The following ADAM19 variants were observed in gnomAD, a reference collection of about 807,000 sequenced individuals.
The protein encoded by ADAM19 is ADAM metallopeptidase domain 19.
A neutral mutation model predicts 114.7 loss-of-function variants in ADAM19; 65 were observed. That is an observed-to-expected ratio of 0.57 (90% CI 0.46 to 0.70). The LOEUF is 0.70. ADAM19 is among the 30% of genes least tolerant of loss of function. The probability of loss-of-function intolerance (pLI) is 0.00; values close to 1 mark genes in which losing one functional copy is unlikely to be tolerated. For synonymous variants in ADAM19, 466 were observed against 460.5 expected, an observed-to-expected ratio of 1.01 and a Z score of -0.15; for missense variants, 1,063 against 1,204.7, an observed-to-expected ratio of 0.88 and a Z score of 1.74.
chr5:157,478,722 C>T lies in ADAM19; in HGVS notation c.*2227G>A, dbSNP rs547400822. On this transcript the variant is annotated 3_prime_UTR_variant, in exon 23 of 23. Coordinates refer to ENST00000257527, the MANE Select transcript of ADAM19 (RefSeq NM_033274.5). ...CAAAACATTCCACCATCTTCCAGTT[C>T]ACAGTACAACTTTATGGGATGGAGG... The T allele has an allele frequency of 1.0e-6, 1 of 985,832 alleles. No individual in the cohort carries two copies. Among genetic ancestry groups the T allele is most frequent in the Admixed American group, 6.1e-5 (1 of 16,276 alleles). 61.1% of individuals were successfully genotyped at this position (985,832 alleles called of 1,614,324 possible). A position where few individuals can be genotyped will look rare whatever the true frequency, so the allele number is the denominator to read the frequency against.
At chr5:157,554,620 CTCT>C (rs1359778127) in intron 3 of ADAM19, among the ~76,000 whole-genome samples, 2 of 152,208 alleles carry the variant, frequency 1.3e-5, no homozygotes, top group Non-Finnish European at 2.9e-5. Context: ...TTAAGGTCAA[CTCT>C]TCTTAATTAC....
Position 157,479,996 on chromosome 5 carries a change from C to A in ADAM19, c.*953G>T. On this transcript the variant is annotated 3_prime_UTR_variant, in exon 23 of 23. Coordinates refer to ENST00000257527, the MANE Select transcript of ADAM19 (RefSeq NM_033274.5). Reference sequence around the variant, plus strand: ...ATGCCCCAAGTCTACTCTGGTCACACTCCTGAGAGCCAGTGAGGGAAATCC... The same window carrying A: ...ATGCCCCAAGTCTACTCTGGTCACAATCCTGAGAGCCAGTGAGGGAAATCC... The A allele has an allele frequency of 1.0e-6, 1 of 985,938 alleles. No individual in the cohort carries two copies. Among genetic ancestry groups the A allele is most frequent in the Non-Finnish European group, 1.2e-6 (1 of 829,960 alleles). 61.1% of individuals were successfully genotyped at this position (985,938 alleles called of 1,614,324 possible).
In ADAM19 at chr5:157,573,156, C is replaced by T. The variant is rs185647803; in HGVS notation, c.95-2176G>A. On this transcript the variant is annotated intron_variant, in intron 1 of 22. Transcript: ENST00000257527. The stretch of plus-strand genomic sequence containing the variant: ...ATTTAATGGAATTAAATGATATCTA[C>T]GATTGTAAAAAAATAGTGAAAGCAA... 5.9e-5 allele frequency among the ~76,000 whole-genome samples: 9 copies of T among 152,130 alleles called. No homozygotes were observed. The East Asian group carries it at 1.5e-3, about 26-fold the overall frequency.
Position 157,479,125 on chromosome 5 carries a change from G to C in ADAM19, c.*1824C>G. The C allele has an allele frequency of 1.0e-6, 1 of 985,950 alleles. No individual in the cohort carries two copies. The highest frequency in any genetic ancestry group is 1.2e-6 in the Non-Finnish European group (1 of 829,990). 61.1% of individuals were successfully genotyped at this position (985,950 alleles called of 1,614,324 possible). A position where few individuals can be genotyped will look rare whatever the true frequency, so the allele number is the denominator to read the frequency against. On this transcript the variant is annotated 3_prime_UTR_variant, in exon 23 of 23. Transcript: ENST00000257527. ...ATCTCCACAGCAAGGATGACCCACA[G>C]CAAGGATGACCCACGGCAAGGACAT...
chr5:157,491,776 C>T lies in ADAM19; in HGVS notation c.1987-53G>A, dbSNP rs985018271. 9.3e-6 allele frequency: 15 copies of T among 1,612,474 alleles called. No homozygotes were observed. The South Asian group carries it at 1.2e-4, about 13-fold the overall frequency. On this transcript the variant is annotated intron_variant, in intron 17 of 22. Coordinates refer to ENST00000257527, the MANE Select transcript of ADAM19 (RefSeq NM_033274.5). Reference sequence around the variant, plus strand: ...AGCACCCCAGAGAGCATCAGCCACCCACAGGGCCTGCCCTCATGACGTCCC... The same window carrying T: ...AGCACCCCAGAGAGCATCAGCCACCTACAGGGCCTGCCCTCATGACGTCCC...
chr5:157,510,733 T>C (rs1010665594), intron 8 of ADAM19, among the ~76,000 whole-genome samples: 1 of 152,250 alleles, frequency 6.6e-6, no homozygotes, highest in Non-Finnish European at 1.5e-5. Context: ...TCGTTTATGA[T>C]TTCTCTTTAT....
At chr5:157,529,355 G>T (rs905893333) in intron 5 of ADAM19, among the ~76,000 whole-genome samples, 2 of 152,018 alleles carry the variant, frequency 1.3e-5, no homozygotes, top group Admixed American at 1.3e-4. Context: ...ATTGAAAGTG[G>T]TCTACATAAA....
At position 157,480,729 on chromosome 5, in the gene ADAM19, A is replaced by G; in HGVS notation, c.*220T>C. On this transcript the variant is annotated 3_prime_UTR_variant, in exon 23 of 23. Transcript: ENST00000257527. ...CCTACCTGGGGCTGTATATTGCACA[A>G]AACAACACCTAGAGGCCATCAGATC... is the stretch of plus-strand genomic sequence containing the variant. 7.1e-7 allele frequency: 1 copy of G among 1,399,972 alleles called. No homozygotes were observed. The allele number at this position is 1,399,972 out of a possible 1,614,324, so 86.7% of individuals were successfully genotyped here.
chr5:157,490,529 GCTT>G (rs1382074451), intron 18 of ADAM19, 75 bp from the exon 19 acceptor site: 3 of 1,524,892 alleles, frequency 2.0e-6, no homozygotes, highest in African/African-American at 2.8e-5. Flanking sequence ...AGGTATTCGT[GCTT>G]CTTCTTCAGG....
At chr5:157,504,933 C>T (rs571793518) in intron 11 of ADAM19, among the ~76,000 whole-genome samples, 50 of 151,900 alleles carry the variant, frequency 3.3e-4, no homozygotes, top group Non-Finnish European at 6.8e-4. Context: ...TCCTGGCTAA[C>T]ATGGTGAAAC....
chr5:157,497,012 G>C lies in ADAM19; in HGVS notation c.1476C>G (p.Pro492=). The C allele has an allele frequency of 6.3e-7, 1 of 1,595,294 alleles. No individual in the cohort carries two copies. The highest frequency in any genetic ancestry group is 8.5e-7 in the Non-Finnish European group (1 of 1,172,086). ...DLPEFCTGKS[P]HCPTNFYQMD... is the part of the protein sequence containing the mutation. ...TCTGGTAGAAGTTGGTAGGGCAGTG[G>C]GGAGACTTGCCCGTACAGAACTCCG... Residue 492 remains proline (P), a synonymous_variant, in exon 14 of 23, where the codon CCC becomes CCG. Coordinates refer to ENST00000257527, the MANE Select transcript of ADAM19 (RefSeq NM_033274.5).
chr5:157,555,152 C>T (rs1757331244), intron 3 of ADAM19, among the ~76,000 whole-genome samples: 1 of 152,182 alleles, frequency 6.6e-6, no homozygotes, highest in African/African-American at 2.4e-5. Context: ...CCCTGCTCTT[C>T]CCACCCACAT....
In ADAM19 at chr5:157,493,023, T is replaced by C; in HGVS notation, c.1858A>G (p.Met620Val). The change falls in exon 16 of 23, where the codon ATG becomes GTG. Residue 620 changes from methionine to valine, a missense_variant. Around this residue, in one of 3 missense-constraint regions of ADAM19, gnomAD observed 424 missense variants for 445.5 expected, o/e 0.95. Coordinates refer to ENST00000257527, the MANE Select transcript of ADAM19 (RefSeq NM_033274.5). ...VYRGPEEEGD[M>V]LDPGLVMTGT... ...GTCATCACCAGCCCTGGGTCCAGCA[T>C]GTCACCCTCCTCCTCAGGACCTCGG... 1 of 1,614,234 alleles carries C rather than the reference T, an allele frequency of 6.2e-7. No individual in the cohort carries two copies. The highest frequency in any genetic ancestry group is 8.5e-7 in the Non-Finnish European group (1 of 1,180,034).
Position 157,497,024 on chromosome 5 carries a change from C to G in ADAM19, c.1464G>C (p.Thr488=), listed in dbSNP as rs749968564. ...TGGTAGGGCAGTGGGGAGACTTGCCCGTACAGAACTCCGGGAGGTCACACT... is the reference window on the plus strand; with the variant it reads ...TGGTAGGGCAGTGGGGAGACTTGCCGGTACAGAACTCCGGGAGGTCACACT... The part of the protein sequence containing the change: ...ARQCDLPEFC[T]GKSPHCPTNF... The change falls in exon 14 of 23, where the codon ACG becomes ACC. Residue 488 remains threonine, a synonymous_variant. Transcript: ENST00000257527. 1 of 1,585,780 alleles carries G rather than the reference C, an allele frequency of 6.3e-7. No individual in the cohort carries two copies. The highest frequency in any genetic ancestry group is 1.8e-5 in the Admixed American group (1 of 54,822).
chr5:157,526,660 G>A (rs112262088), intron 5 of ADAM19, among the ~76,000 whole-genome samples: 16,267 of 149,990 alleles, frequency 0.11, 929 homozygotes, highest in South Asian at 0.16. Context: ...TTGCTTTGTC[G>A]CCCAAGCTGG....
At chr5:157,526,775 C>A (rs1756476756) in intron 5 of ADAM19, among the ~76,000 whole-genome samples, 2 of 152,138 alleles carry the variant, frequency 1.3e-5, no homozygotes, top group South Asian at 4.1e-4. Context: ...CATGCAACAC[C>A]ACACATGGCT....
In ADAM19 at chr5:157,505,673, T is replaced by C. The variant is rs749202812; in HGVS notation, c.1126A>G (p.Thr376Ala). The C allele has an allele frequency of 6.2e-7, 1 of 1,613,776 alleles. No individual in the cohort carries two copies. Among genetic ancestry groups the C allele is most frequent in the Admixed American group, 1.7e-5 (1 of 60,004 alleles). Residue 376 changes from threonine (T) to alanine (A), a missense_variant, in exon 11 of 23, where the codon ACT (threonine) becomes GCT (alanine). Physicochemically the swap from Thr to Ala is moderately conservative, Grantham distance 58. Around this residue, in one of 3 missense-constraint regions of ADAM19, gnomAD observed 615 missense variants for 706.3 expected, o/e 0.87. Transcript: ENST00000257527. ...CCCTCTTGCTGTTTGACTCACCCAG[T>C]GGCAGCTGCCATGATGCACCCACCA... ...ADGGCIMAAA[T>A]GHPFPKVFNG...
At position 157,488,366 on chromosome 5, in the gene ADAM19, T is replaced by C; in HGVS notation, c.2449A>G (p.Asn817Asp). The C allele has an allele frequency of 1.2e-6, 2 of 1,614,102 alleles. No individual in the cohort carries two copies. Among genetic ancestry groups the C allele is most frequent in the Non-Finnish European group, 1.7e-6 (2 of 1,179,992 alleles). The change falls in exon 21 of 23, where the codon AAC (asparagine) becomes GAC (aspartate). Residue 817 changes from asparagine (N) to aspartate (D), a missense_variant. By Grantham distance (23) the Asn-to-Asp change is conservative (BLOSUM62 1). Around this residue, in one of 3 missense-constraint regions of ADAM19, gnomAD observed 424 missense variants for 445.5 expected, o/e 0.95. Coordinates refer to ENST00000257527, the MANE Select transcript of ADAM19 (RefSeq NM_033274.5). ...LPAHLSRAARNSPGPGSQIER... is the reference protein window; with the variant it reads ...LPAHLSRAARDSPGPGSQIER... ...ATTTGAGACCCGGGCCCTGGGGAGTTCCTAGCAGCCCTGCTCAGGTGAGCT... is the reference window on the plus strand; with the variant it reads ...ATTTGAGACCCGGGCCCTGGGGAGTCCCTAGCAGCCCTGCTCAGGTGAGCT...
intron 7 of ADAM19, 65 bp from the exon 8 acceptor site, chr5:157,513,570 ATTACTTGTCT>A: frequency 7.0e-7 from 1 of 1,421,506 alleles, no homozygotes; most frequent in African/African-American, 1.4e-5. Context: ...CCTGCGCCCC[ATTACTTGTCT>A]TTGAATTTGC....
Sources: allele counts gnomAD v4.1 joint callset (sites outside exome capture counted in the v4.1 genomes callset), GRCh38; gene constraint gnomAD v4.1.1; regional missense constraint gnomAD v4.1.1; transcripts MANE v1.5; gene names NCBI Gene and HGNC (gene_info 2026-07-23, HGNC 2026-07-21).